ARHGAP31: variants seen among roughly 807,000 people sequenced by gnomAD.
The protein encoded by ARHGAP31 is Rho GTPase activating protein 31.
A neutral mutation model predicts 113.9 loss-of-function variants in ARHGAP31; 34 were observed. The observed-to-expected ratio is 0.30, with a 90% CI of 0.23 to 0.40. ARHGAP31 has a LOEUF of 0.40. Among genes scored for constraint, ARHGAP31 ranks in the 10% least tolerant of loss-of-function variants. ARHGAP31 has a pLI of 1.00. For missense variants in ARHGAP31, 1,548 were observed against 1,767.1 expected (o/e 0.88, Z 2.22); for synonymous variants, 650 against 684.8 (o/e 0.95, Z 0.79).
Position 119,382,401 on chromosome 3 carries a change from T to C in ARHGAP31, c.539+2T>C. 6.2e-7 allele frequency: 1 copy of C among 1,613,552 alleles called. No homozygotes were observed. The highest frequency in any genetic ancestry group is 8.5e-7 in the Non-Finnish European group (1 of 1,179,476). ...GGTGTGGGCGCCAAACCTCCTCAGGTAACCACTCTACCCTCCCCTTGTCAC... is the reference window on the plus strand; with the variant it reads ...GGTGTGGGCGCCAAACCTCCTCAGGCAACCACTCTACCCTCCCCTTGTCAC... On this transcript the variant is annotated splice_donor_variant, in intron 5 of 11. Coordinates refer to ENST00000264245, the MANE Select transcript of ARHGAP31 (RefSeq NM_020754.4). LOFTEE classifies it high-confidence loss of function.
chr3:119,389,018 T>TA (rs1375170458), intron 6 of ARHGAP31, among the ~76,000 whole-genome samples: 45 of 152,090 alleles, frequency 3.0e-4, no homozygotes, highest in African/African-American at 1.1e-3. Context: ...AAAATTAGCT[T>TA]GGCATGGCGG....
At chr3:119,303,530 C>T (rs558866227) in intron 1 of ARHGAP31, among the ~76,000 whole-genome samples, 1 of 152,306 alleles carries the variant, frequency 6.6e-6, no homozygotes, top group South Asian at 2.1e-4. Flanking sequence ...GGCCCTGGTA[C>T]CACGCCCATG....
intron 7 of ARHGAP31, 46 bp downstream of exon 7, chr3:119,391,029 G>T: frequency 6.3e-7 from 1 of 1,588,992 alleles, no homozygotes; most frequent in Non-Finnish European, 8.6e-7. Context: ...TGTGGTTGAA[G>T]AGGAAAGAGG....
At position 119,321,678 on chromosome 3, in the gene ARHGAP31, T is replaced by A. The variant is rs151024874; in HGVS notation, c.100+26674T>A. Among the ~76,000 whole-genome samples the A allele has an allele frequency of 8.1e-3, 1,228 of 152,164 alleles. 12 individuals are homozygous for A. The highest frequency in any genetic ancestry group is 0.027 in the African/African-American group (1,114 of 41,534). On this transcript the variant is annotated intron_variant, in intron 1 of 11. Coordinates refer to ENST00000264245, the MANE Select transcript of ARHGAP31 (RefSeq NM_020754.4). ...TTTTGTTTTGTTTTGAGACGGAGACTCGCTCTGTTGCCCAGGCCAGAGTGC... is the reference window on the plus strand; with the variant it reads ...TTTTGTTTTGTTTTGAGACGGAGACACGCTCTGTTGCCCAGGCCAGAGTGC...
At chr3:119,312,564 GTCT>G (rs2079691636) in intron 1 of ARHGAP31, among the ~76,000 whole-genome samples, 3 of 151,986 alleles carry the variant, frequency 2.0e-5, no homozygotes, top group African/African-American at 4.8e-5. Context: ...AGTACAAGCC[GTCT>G]TCTTCTCTTG....
chr3:119,414,414 G>A lies in ARHGAP31; in HGVS notation c.2485G>A (p.Glu829Lys), dbSNP rs374932040. The change falls in exon 12 of 12, where the codon GAG becomes AAG. Residue 829 changes from glutamate (E) to lysine (K), a missense_variant. By Grantham distance (56) the Glu-to-Lys change is moderately conservative. Coordinates refer to ENST00000264245, the MANE Select transcript of ARHGAP31 (RefSeq NM_020754.4). ...IDQLKSQDSPEISSLCQGEEA... is the reference protein window; with the variant it reads ...IDQLKSQDSPKISSLCQGEEA... ...CCAGCTGAAGTCCCAAGACAGCCCTGAGATCTCTAGCCTCTGTCAGGGAGA... is the reference window on the plus strand; with the variant it reads ...CCAGCTGAAGTCCCAAGACAGCCCTAAGATCTCTAGCCTCTGTCAGGGAGA... 47 of 1,614,112 alleles carry A rather than the reference G, an allele frequency of 2.9e-5. No individual in the cohort carries two copies. The African/African-American group carries it at 4.7e-4, about 16-fold the overall frequency.
chr3:119,415,308 T>C lies in ARHGAP31; in HGVS notation c.3379T>C (p.Phe1127Leu). ...DLFWFENVAS[F>L]SSPGMQVSEP... is the part of the protein sequence containing the mutation. ...CTTCTGGTTTGAGAATGTGGCCTCA[T>C]TTAGTTCACCTGGAATGCAGGTCTC... The change falls in exon 12 of 12, where the codon TTT (phenylalanine) becomes CTT (leucine). Residue 1127 changes from phenylalanine to leucine, a missense_variant. Phe to Leu is a conservative substitution (Grantham distance 22). Transcript: ENST00000264245. 2 of 1,614,176 alleles carry C rather than the reference T, an allele frequency of 1.2e-6. No individual in the cohort carries two copies. Among genetic ancestry groups the C allele is most frequent in the Non-Finnish European group, 1.7e-6 (2 of 1,180,030 alleles).
At position 119,326,065 on chromosome 3, in the gene ARHGAP31, G is replaced by A. The variant is rs139985302; in HGVS notation, c.100+31061G>A. On this transcript the variant is annotated intron_variant, in intron 1 of 11. Transcript: ENST00000264245. Reference sequence around the variant, plus strand: ...ACATTAGCCGGGCGTGGTGGTGGGCGCCTGTAATCCCAGCTACTCAGGAGG... The same window carrying A: ...ACATTAGCCGGGCGTGGTGGTGGGCACCTGTAATCCCAGCTACTCAGGAGG... 2.3e-3 allele frequency among the ~76,000 whole-genome samples: 343 copies of A among 152,182 alleles called. 8 individuals are homozygous for A. In the East Asian group the frequency reaches 0.051, roughly 23 times the overall value.
At chr3:119,327,706 A>G (rs550546161) in intron 1 of ARHGAP31, among the ~76,000 whole-genome samples, 5 of 152,112 alleles carry the variant, frequency 3.3e-5, no homozygotes, top group African/African-American at 1.2e-4. Flanking sequence ...TATCTTATTT[A>G]CTCTCTGTCC....
chr3:119,373,371 G>A (rs2080319398), intron 3 of ARHGAP31, among the ~76,000 whole-genome samples: 2 of 151,466 alleles, frequency 1.3e-5, no homozygotes, highest in Admixed American at 1.3e-4. Context: ...TAATATAGTT[G>A]CACATTAAAT....
intron 1 of ARHGAP31, among the ~76,000 whole-genome samples, chr3:119,353,739 GA>G (rs2080131200): frequency 7.4e-6 from 1 of 134,510 alleles, no homozygotes; most frequent in Non-Finnish European, 1.5e-5. Context: ...AGTGAGCCAA[GA>G]TTGCACCACT....
rs12107254 is a variant in ARHGAP31 at position 119,415,272 on chromosome 3, A to C, written c.3343A>C (p.Ile1115Leu). ...CCTCAACTTGGACCCTGCCATTCCC[A>C]TTGCTGACCTCTTCTGGTTTGAGAA... The part of the protein sequence containing the change: ...SSLNLDPAIP[I>L]ADLFWFENVA... Residue 1115 changes from isoleucine to leucine, a missense_variant, in exon 12 of 12, where the codon ATT becomes CTT. Transcript: ENST00000264245. 1.2e-4 allele frequency: 187 copies of C among 1,614,128 alleles called. No homozygotes were observed. In the African/African-American group the frequency reaches 2.3e-3, roughly 20 times the overall value.
intron 1 of ARHGAP31, among the ~76,000 whole-genome samples, chr3:119,295,772 G>A (rs1338731323): frequency 1.4e-5 from 2 of 145,518 alleles, no homozygotes; most frequent in Non-Finnish European, 3.0e-5. Context: ...GGGAGTTGGG[G>A]ATGGGGGAAT....
intron 1 of ARHGAP31, among the ~76,000 whole-genome samples, chr3:119,342,949 C>CAAAAA (rs111606896): frequency 7.2e-6 from 1 of 138,762 alleles, no homozygotes. Context: ...AACTCTGTCT[C>CAAAAA]AAAAAAAAAA....
chr3:119,399,842 G>A (rs1489311533), intron 9 of ARHGAP31, among the ~76,000 whole-genome samples: 1 of 152,198 alleles, frequency 6.6e-6, no homozygotes, highest in African/African-American at 2.4e-5. Context: ...GAGTAGACGT[G>A]TATACAGTTG....
rs1032647762 is a variant in ARHGAP31, at chr3:119,420,239, T to C, written c.*3975T>C. The C allele has an allele frequency of 2.6e-5, 4 of 152,224 alleles. No individual in the cohort carries two copies. Among genetic ancestry groups the C allele is most frequent in the African/African-American group, 9.7e-5 (4 of 41,438 alleles). 9.4% of individuals were successfully genotyped at this position (152,224 alleles called of 1,614,324 possible). On this transcript the variant is annotated 3_prime_UTR_variant, in exon 12 of 12. Transcript: ENST00000264245. Reference sequence around the variant, plus strand: ...TTGGGCCACATTCTACCACGGCCAGTCCAATCTGATGACCACATGAATTGG... The same window carrying C: ...TTGGGCCACATTCTACCACGGCCAGCCCAATCTGATGACCACATGAATTGG...
intron 7 of ARHGAP31, among the ~76,000 whole-genome samples, chr3:119,393,054 C>T (rs2080518993): frequency 1.3e-5 from 2 of 152,156 alleles, no homozygotes; most frequent in African/African-American, 4.8e-5. Flanking sequence ...CCAGCCTGGG[C>T]AAGATAGTGA....
chr3:119,382,184 T>C, intron 4 of ARHGAP31, 108 bp from the exon 5 acceptor site: 2 of 1,079,756 alleles, frequency 1.9e-6, no homozygotes, highest in Non-Finnish European at 1.4e-6. Flanking sequence ...TTCATTAAAA[T>C]AGAAATATTT....
chr3:119,412,409 A>G (rs371232884), intron 11 of ARHGAP31, among the ~76,000 whole-genome samples: 1 of 111,948 alleles, frequency 8.9e-6, no homozygotes, highest in Non-Finnish European at 2.0e-5. Context: ...AAAAAAGAAA[A>G]GAAAGAAAGA....
Sources: allele counts gnomAD v4.1 joint callset (sites outside exome capture counted in the v4.1 genomes callset), GRCh38; gene constraint gnomAD v4.1.1; transcripts MANE v1.5; gene names NCBI Gene and HGNC (gene_info 2026-07-23, HGNC 2026-07-21).